Variants in DIP2C observed in about 807,000 individuals in gnomAD.
DIP2C encodes DIP2 acetate--CoA ligase C (putative), also known as disco-interacting protein 2 homolog C.
DIP2C carries 33 observed loss-of-function variants against 192.4 expected under a neutral mutation model. The observed-to-expected ratio is 0.17, with a 90% CI of 0.13 to 0.23. The LOEUF is 0.23. Among genes scored for constraint, DIP2C ranks in the 10% least tolerant of loss-of-function variants. DIP2C has a pLI of 1.00. For synonymous variants in DIP2C, 979 were observed against 864.1 expected (o/e 1.13, Z -2.33); for missense variants, 1,537 against 2,110.1 (o/e 0.73, Z 5.32).
chr10:326,285 G>A (rs185031078), intron 31 of DIP2C, among the ~76,000 whole-genome samples: 60 of 152,302 alleles, frequency 3.9e-4, no homozygotes, highest in Middle Eastern at 3.4e-3. Context: ...TGACCTAGTG[G>A]CTAACTCCAA....
intron 1 of DIP2C, among the ~76,000 whole-genome samples, chr10:621,333 C>T (rs1475758858): frequency 6.6e-6 from 1 of 151,514 alleles, no homozygotes; most frequent in Non-Finnish European, 1.5e-5. Flanking sequence ...CCAAGGTGTG[C>T]ACACATGCTC....
intron 33 of DIP2C, among the ~76,000 whole-genome samples, chr10:286,944 A>T (rs1955169889): frequency 6.6e-6 from 1 of 152,132 alleles, no homozygotes. Context: ...GCCAGAAGGG[A>T]AAGATTGTGG....
intron 4 of DIP2C, among the ~76,000 whole-genome samples, chr10:428,091 G>A (rs550220868): frequency 1.3e-5 from 2 of 152,274 alleles, no homozygotes; most frequent in East Asian, 3.9e-4. Flanking sequence ...ATAAACTACT[G>A]ATGCATGGTA....
At chr10:361,016 C>T (rs1177826317) in intron 22 of DIP2C, among the ~76,000 whole-genome samples, 7 of 152,180 alleles carry the variant, frequency 4.6e-5, no homozygotes, top group Non-Finnish European at 7.4e-5. Flanking sequence ...GCTGGGGCCC[C>T]GGGGCAGGGG....
chr10:375,004 A>G (rs1414110144), intron 17 of DIP2C, among the ~76,000 whole-genome samples: 1 of 152,240 alleles, frequency 6.6e-6, no homozygotes, highest in Non-Finnish European at 1.5e-5. Flanking sequence ...AGTGATCTCC[A>G]GGAATGTAAG....
In DIP2C at chr10:409,027, C is replaced by T. The variant is rs1248179709; in HGVS notation, c.1058-10G>A. ...CTTGTCCACAGCTTGCCTATGAATA[C>T]AAATCACAGACAAATGTGCGTATTA... On this transcript the variant is annotated splice_polypyrimidine_tract_variant and intron_variant, in intron 8 of 36. Coordinates refer to ENST00000280886, the MANE Select transcript of DIP2C (RefSeq NM_014974.3). 8.1e-6 allele frequency: 13 copies of T among 1,613,598 alleles called. No homozygotes were observed. The Admixed American group carries it at 2.2e-4, about 27-fold the overall frequency.
chr10:307,385 G>C (rs1956371504), intron 32 of DIP2C, among the ~76,000 whole-genome samples: 1 of 152,206 alleles, frequency 6.6e-6, no homozygotes, highest in African/African-American at 2.4e-5. Flanking sequence ...TGAAAGTGAT[G>C]CTGGAGATTA....
chr10:568,765 CAAAAAAAAAAAA>C (rs1206501677), intron 1 of DIP2C, among the ~76,000 whole-genome samples: 4 of 37,862 alleles, frequency 1.1e-4, no homozygotes, highest in Admixed American at 4.3e-4. Context: ...AACTCCGTCT[CAAAAAAAAAAAA>C]AAAAAAAAAA....
intron 1 of DIP2C, among the ~76,000 whole-genome samples, chr10:526,530 CAAAA>C (rs11298752): frequency 5.3e-4 from 74 of 139,034 alleles, no homozygotes; most frequent in Non-Finnish European, 6.9e-4. Flanking sequence ...CCTACCCCAC[CAAAA>C]AAAAAAAAAA....
At chr10:598,054 C>T (rs1005811598) in intron 1 of DIP2C, among the ~76,000 whole-genome samples, 2 of 152,214 alleles carry the variant, frequency 1.3e-5, no homozygotes, top group African/African-American at 4.8e-5. Context: ...CTCTAACCAC[C>T]GCTGGACCTG....
chr10:372,739 C>T (rs1381409817), intron 17 of DIP2C, among the ~76,000 whole-genome samples: 48 of 151,314 alleles, frequency 3.2e-4, no homozygotes, highest in Middle Eastern at 3.5e-3. Flanking sequence ...CACAGGCGGG[C>T]ACAGAAGCAC....
chr10:308,716 G>C (rs1956441139), intron 32 of DIP2C, among the ~76,000 whole-genome samples: 1 of 152,010 alleles, frequency 6.6e-6, no homozygotes, highest in African/African-American at 2.4e-5. Context: ...GGCCTCCTGA[G>C]GGCTCCTACG....
At chr10:488,446 G>A (rs777977574) in intron 1 of DIP2C, among the ~76,000 whole-genome samples, 6 of 152,266 alleles carry the variant, frequency 3.9e-5, no homozygotes, top group African/African-American at 7.2e-5. Flanking sequence ...TGGTACTCAC[G>A]TTCCTCACCC....
rs534577711 is a variant in DIP2C, at chr10:689,088, A to T, written c.85+406T>A. Among the ~76,000 whole-genome samples the T allele has an allele frequency of 3.0e-3, 457 of 151,688 alleles. 2 individuals are homozygous for T. The highest frequency in any genetic ancestry group is 0.01 in the African/African-American group (428 of 41,284). On this transcript the variant is annotated intron_variant, in intron 1 of 36. Coordinates refer to ENST00000280886, the MANE Select transcript of DIP2C (RefSeq NM_014974.3). The surrounding 1 kb of genome is among the most constrained non-coding windows in gnomAD (Gnocchi z 6.1). The stretch of plus-strand genomic sequence containing the variant: ...CAGCGCAGAGCGCACGGGAAGGCCG[A>T]TCCCGCCGGGCCCGCTGCATCCTGC...
At chr10:616,970 A>C (rs1055150545) in intron 1 of DIP2C, among the ~76,000 whole-genome samples, 2 of 152,048 alleles carry the variant, frequency 1.3e-5, no homozygotes, top group African/African-American at 2.4e-5. Context: ...ATCCCCACTG[A>C]GACTCCGTGA....
intron 17 of DIP2C, among the ~76,000 whole-genome samples, chr10:371,499 G>C (rs967279588): frequency 1.3e-5 from 2 of 152,198 alleles, no homozygotes; most frequent in Non-Finnish European, 1.5e-5. Flanking sequence ...CTCTGTCCTT[G>C]TAAGAGAAAA....
intron 10 of DIP2C, among the ~76,000 whole-genome samples, chr10:395,502 G>A (rs4881224): frequency 6.6e-6 from 1 of 151,952 alleles, no homozygotes; most frequent in Admixed American, 6.5e-5. Flanking sequence ...CTCAGGGGAG[G>A]GTCTCTGTAC....
At chr10:304,953 A>C (rs1956239956) in intron 32 of DIP2C, among the ~76,000 whole-genome samples, 1 of 152,190 alleles carries the variant, frequency 6.6e-6, no homozygotes, top group African/African-American at 2.4e-5. Context: ...CACACACGAC[A>C]CGTGCAAAGC....
At chr10:496,974 G>A (rs1471559300) in intron 1 of DIP2C, among the ~76,000 whole-genome samples, 1 of 152,112 alleles carries the variant, frequency 6.6e-6, no homozygotes, top group East Asian at 1.9e-4. Context: ...AATACAAAAA[G>A]TTAGCCAGGT....
Sources: gnomAD v4.1 joint callset for allele counts (sites outside exome capture counted in the v4.1 genomes callset) on GRCh38, gnomAD v4.1.1 for gene constraint, Gnocchi (gnomAD v3.1) non-coding constraint, MANE v1.5 for transcripts, NCBI Gene and HGNC (gene_info 2026-07-23, HGNC 2026-07-21) for gene names.